The following GLRA2 variants were observed in gnomAD, a reference collection of about 807,000 sequenced individuals.
The protein encoded by GLRA2 is glycine receptor subunit alpha-2.
In GLRA2, 11 loss-of-function variants were observed where a neutral mutation model predicts 31.6. That is an observed-to-expected ratio of 0.35 (90% CI 0.22 to 0.58). The LOEUF (loss-of-function observed/expected upper bound fraction) is 0.58. GLRA2 is among the 20% of genes least tolerant of loss of function. The pLI is 0.84. For synonymous variants in GLRA2, 132 were observed against 134.0 expected, an observed-to-expected ratio of 0.99 and a Z score of 0.10; for missense variants, 212 against 351.8, an observed-to-expected ratio of 0.60 and a Z score of 3.18.
At chrX:14,541,670 C>T (rs762544985) in intron 2 of GLRA2, among the ~76,000 whole-genome samples, 12 of 111,042 alleles carry the variant, frequency 1.1e-4, no homozygotes, top group African/African-American at 2.6e-4. Flanking sequence ...ACAAGGGATC[C>T]GTTTATTTAT....
At chrX:14,693,520 A>T (rs912714191) in intron 8 of GLRA2, among the ~76,000 whole-genome samples, 1 of 112,111 alleles carries the variant, frequency 8.9e-6, no homozygotes, top group African/African-American at 3.2e-5. Flanking sequence ...TCACACTCAT[A>T]GTGAGGAATT....
intron 7 of GLRA2, among the ~76,000 whole-genome samples, chrX:14,678,127 A>G (rs1300292913): frequency 1.8e-5 from 2 of 111,815 alleles, no homozygotes. Flanking sequence ...GTGTAGACAA[A>G]GTCATCAGTG....
chrX:14,481,678 G>T, the GLRA2 span, among the ~76,000 whole-genome samples: 2 of 111,440 alleles, frequency 1.8e-5, no homozygotes, highest in African/African-American at 6.5e-5. Context: ...ATGTTTATCT[G>T]GAGTTTTCCT....
intron 7 of GLRA2, among the ~76,000 whole-genome samples, chrX:14,686,214 G>T (rs1251425968): frequency 9.0e-6 from 1 of 111,636 alleles, no homozygotes; most frequent in Non-Finnish European, 1.9e-5. Context: ...CATTTGCTGA[G>T]GAGTGCTTTA....
the GLRA2 span, among the ~76,000 whole-genome samples, chrX:14,453,731 C>T: frequency 8.9e-6 from 1 of 112,021 alleles, no homozygotes; most frequent in Non-Finnish European, 1.9e-5. Flanking sequence ...TCTCAAAAGC[C>T]TGTGCACAAA....
the GLRA2 span, among the ~76,000 whole-genome samples, chrX:14,507,652 C>T: frequency 1.1e-4 from 12 of 104,578 alleles, no homozygotes; most frequent in South Asian, 8.6e-4. Flanking sequence ...AGAAAATGTC[C>T]GACCGACCAC....
chrX:14,630,903 C>T (rs761031395), intron 7 of GLRA2, among the ~76,000 whole-genome samples: 10 of 107,564 alleles, frequency 9.3e-5, no homozygotes, highest in Non-Finnish European at 1.5e-4. Context: ...ACTGTGTCCT[C>T]TGGAAGGGAG....
chrX:14,656,095 C>T (rs1053563467), intron 7 of GLRA2, among the ~76,000 whole-genome samples: 1 of 111,279 alleles, frequency 9.0e-6, no homozygotes, highest in Non-Finnish European at 1.9e-5. Context: ...GATTCAGGTG[C>T]ATATTACAAT....
At chrX:14,466,682 T>C in the GLRA2 span, among the ~76,000 whole-genome samples, 1 of 111,773 alleles carries the variant, frequency 8.9e-6, no homozygotes, top group Non-Finnish European at 1.9e-5. Flanking sequence ...GAAAAAGAAA[T>C]CAATAATGGC....
At chrX:14,481,325 C>G in the GLRA2 span, among the ~76,000 whole-genome samples, 2 of 111,349 alleles carry the variant, frequency 1.8e-5, no homozygotes, top group Non-Finnish European at 3.8e-5. Context: ...CCTCTCTCAG[C>G]CTCACTAAGC....
the GLRA2 span, among the ~76,000 whole-genome samples, chrX:14,513,741 C>T: frequency 9.0e-6 from 1 of 111,244 alleles, no homozygotes; most frequent in East Asian, 2.8e-4. Context: ...GCAAGAATGG[C>T]CATAATCAAA....
At chrX:14,584,491 T>A (rs1331064912) in intron 4 of GLRA2, among the ~76,000 whole-genome samples, 1 of 112,069 alleles carries the variant, frequency 8.9e-6, no homozygotes, top group African/African-American at 3.2e-5. Flanking sequence ...CAACTCTGTA[T>A]ATGATTTGGT....
chrX:14,578,947 C>T (rs780378770), intron 3 of GLRA2, among the ~76,000 whole-genome samples: 1 of 112,049 alleles, frequency 8.9e-6, no homozygotes, highest in African/African-American at 3.2e-5. Flanking sequence ...TCCTAGTCTG[C>T]TCCTTATTTA....
At chrX:14,488,203 A>G in the GLRA2 span, among the ~76,000 whole-genome samples, 1 of 112,050 alleles carries the variant, frequency 8.9e-6, no homozygotes, top group African/African-American at 3.2e-5. Context: ...TTCCCTTGCC[A>G]TTGTCTATTG....
At chrX:14,713,832 G>A (rs1466161760) in intron 8 of GLRA2, among the ~76,000 whole-genome samples, 2 of 111,195 alleles carry the variant, frequency 1.8e-5, no homozygotes, top group Non-Finnish European at 3.8e-5. Flanking sequence ...GGACTTATGA[G>A]GAGAACCACT....
intron 7 of GLRA2, among the ~76,000 whole-genome samples, chrX:14,633,854 G>A (rs1483525916): frequency 9.0e-6 from 1 of 111,223 alleles, no homozygotes; most frequent in Non-Finnish European, 1.9e-5. Context: ...CAGCATGGGG[G>A]AACTGCCCCC....
At chrX:14,681,457 T>C (rs62586504) in intron 7 of GLRA2, among the ~76,000 whole-genome samples, 25,167 of 110,517 alleles carry the variant, frequency 0.23, 2,186 homozygotes, top group Non-Finnish European at 0.25. Flanking sequence ...AATCCATCTA[T>C]CCATCCCACA....
the GLRA2 span, among the ~76,000 whole-genome samples, chrX:14,486,903 C>T: frequency 9.0e-6 from 1 of 110,893 alleles, no homozygotes; most frequent in Non-Finnish European, 1.9e-5. Flanking sequence ...TACCAAAATA[C>T]ACAGCAAAAT....
intron 7 of GLRA2, among the ~76,000 whole-genome samples, chrX:14,671,661 A>G (rs973930985): frequency 8.9e-6 from 1 of 112,098 alleles, no homozygotes; most frequent in Non-Finnish European, 1.9e-5. Context: ...GGTACCAGAG[A>G]AATCTCTTAG....
Sources: gnomAD v4.1 joint callset for allele counts (sites outside exome capture counted in the v4.1 genomes callset) on GRCh38, gnomAD v4.1.1 for gene constraint, MANE v1.5 for transcripts, NCBI Gene and HGNC (gene_info 2026-07-23, HGNC 2026-07-21) for gene names.